Variants in EFL1 observed in about 807,000 individuals in gnomAD.
EFL1 encodes elongation factor-like GTPase 1.
EFL1 carries 76 observed loss-of-function variants against 126.7 expected under a neutral mutation model. That is an observed-to-expected ratio of 0.60 (90% CI 0.50 to 0.73). The LOEUF is 0.73. EFL1 is among the 30% of genes least tolerant of loss of function. The pLI, the probability that EFL1 is intolerant of heterozygous loss-of-function variation, is 0.00. For synonymous variants in EFL1, 410 were observed against 448.4 expected, an observed-to-expected ratio of 0.91 and a Z score of 1.08; for missense variants, 1,128 against 1,343.2, an observed-to-expected ratio of 0.84 and a Z score of 2.50.
At chr15:82,185,384 C>G (rs185153599) in intron 15 of EFL1, among the ~76,000 whole-genome samples, 1 of 151,776 alleles carries the variant, frequency 6.6e-6, no homozygotes, top group Non-Finnish European at 1.5e-5. Context: ...TGCATATCTT[C>G]ATAAATGAAA....
rs111262051 is a variant in EFL1 at position 82,186,493 on chromosome 15, T to C, written c.1751-22509A>G. ...TCTCACAAACTGAATCATTTCCAAA[T>C]ACCAGGTGTTCCAGTTTCACTGTGT... On this transcript the variant is annotated intron_variant, in intron 15 of 19. Transcript: ENST00000268206. Among the ~76,000 whole-genome samples, 4 of 152,354 alleles carry C rather than the reference T, an allele frequency of 2.6e-5. 1 individual carries two copies. Among genetic ancestry groups the C allele is most frequent in the African/African-American group, 9.6e-5 (4 of 41,592 alleles).
intron 15 of EFL1, among the ~76,000 whole-genome samples, chr15:82,203,335 C>G (rs951875427): frequency 1.6e-4 from 25 of 152,038 alleles, no homozygotes; most frequent in South Asian, 2.1e-4. Context: ...GCATATATAT[C>G]TGTTCTTAAA....
intron 15 of EFL1, among the ~76,000 whole-genome samples, chr15:82,191,977 C>T (rs1164393011): frequency 2.6e-5 from 4 of 152,048 alleles, no homozygotes; most frequent in Non-Finnish European, 5.9e-5. Flanking sequence ...TTTATAATAT[C>T]TGCTATTATA....
intron 15 of EFL1, among the ~76,000 whole-genome samples, chr15:82,170,027 G>A (rs911140964): frequency 6.6e-6 from 1 of 151,528 alleles, no homozygotes; most frequent in African/African-American, 2.4e-5. Flanking sequence ...TGGAGAAAAT[G>A]GCATTCAGGA....
intron 15 of EFL1, among the ~76,000 whole-genome samples, chr15:82,184,707 TC>T (rs1458349605): frequency 3.9e-5 from 6 of 152,132 alleles, no homozygotes; most frequent in South Asian, 2.1e-4. Context: ...TTGGGAATTT[TC>T]CCCCCACATT....
intron 14 of EFL1, among the ~76,000 whole-genome samples, chr15:82,215,971 T>C (rs1376674866): frequency 6.6e-6 from 1 of 152,136 alleles, no homozygotes. Flanking sequence ...ATCTACACAA[T>C]ATGACTGTCC....
At chr15:82,244,600 T>C (rs1032172067) in intron 4 of EFL1, among the ~76,000 whole-genome samples, 1 of 152,148 alleles carries the variant, frequency 6.6e-6, no homozygotes, top group Non-Finnish European at 1.5e-5. Context: ...AATCCAATCT[T>C]TTTATGTTCC....
Position 82,230,894 on chromosome 15 carries a change from T to G in EFL1, c.809A>C (p.Asp270Ala). ...TTTAGCCTTCATATTTATATAGTAA[T>G]CTCCCCACAAGGTTTTCATAAGAAC... ...KEVLMKTLWG[D>A]YYINMKAKKI... The change falls in exon 8 of 20, where the codon GAT (aspartate) becomes GCT (alanine). Residue 270 changes from aspartate to alanine, a missense_variant. By Grantham distance (126) the Asp-to-Ala change is moderately radical. This residue lies in a region of EFL1 where 316 missense variants were observed against 318.5 expected (regional missense o/e 0.99). Coordinates refer to ENST00000268206, the MANE Select transcript of EFL1 (RefSeq NM_024580.6). 6.2e-7 allele frequency: 1 copy of G among 1,613,384 alleles called. No homozygotes were observed. The highest frequency in any genetic ancestry group is 8.5e-7 in the Non-Finnish European group (1 of 1,179,570).
At chr15:82,196,704 T>C (rs1039961983) in intron 15 of EFL1, among the ~76,000 whole-genome samples, 1 of 152,250 alleles carries the variant, frequency 6.6e-6, no homozygotes, top group African/African-American at 2.4e-5. Context: ...AAACGTTGGT[T>C]AAATCTAATT....
intron 15 of EFL1, among the ~76,000 whole-genome samples, chr15:82,179,804 G>A (rs1023490991): frequency 8.1e-6 from 1 of 123,526 alleles, no homozygotes; most frequent in African/African-American, 3.0e-5. Context: ...CTATATGGCT[G>A]GGTATGCACA....
intron 14 of EFL1, among the ~76,000 whole-genome samples, chr15:82,217,832 A>G (rs1322865021): frequency 6.6e-6 from 1 of 152,158 alleles, no homozygotes; most frequent in Non-Finnish European, 1.5e-5. Flanking sequence ...ATTCTATACC[A>G]TCATACAGGA....
intron 6 of EFL1, 152 bp from the exon 7 acceptor site, chr15:82,238,673 G>A: frequency 1.5e-6 from 1 of 649,220 alleles, no homozygotes; most frequent in Non-Finnish European, 2.7e-6. Flanking sequence ...CATAATCAGT[G>A]AATAACTTAG....
intron 15 of EFL1, among the ~76,000 whole-genome samples, chr15:82,211,549 T>TAC (rs35812924): frequency 0.019 from 1,760 of 94,348 alleles, 41 homozygotes; most frequent in Middle Eastern, 0.051. Context: ...AAAATCTATA[T>TAC]ACACACACAC....
intron 12 of EFL1, among the ~76,000 whole-genome samples, chr15:82,224,637 T>C (rs2074743099): frequency 6.6e-6 from 1 of 152,032 alleles, no homozygotes; most frequent in African/African-American, 2.4e-5. Context: ...ATGATCAGAA[T>C]CTAAACTAGT....
intron 7 of EFL1, among the ~76,000 whole-genome samples, chr15:82,235,645 C>T (rs1283383155): frequency 6.6e-6 from 1 of 152,046 alleles, no homozygotes; most frequent in Non-Finnish European, 1.5e-5. Flanking sequence ...CAAAACTTGA[C>T]ACATTCATAA....
intron 14 of EFL1, among the ~76,000 whole-genome samples, chr15:82,217,373 GA>G: frequency 0.15 from 4,144 of 27,194 alleles, 192 homozygotes; most frequent in African/African-American, 0.33. Flanking sequence ...GATTAGATTT[GA>G]AAAAAAAAAA....
chr15:82,229,054 C>T lies in EFL1; in HGVS notation c.912G>A (p.Leu304=). The T allele has an allele frequency of 1.9e-6, 3 of 1,612,192 alleles. No homozygotes were observed. The highest frequency in any genetic ancestry group is 2.5e-6 in the Non-Finnish European group (3 of 1,179,394). The change falls in exon 9 of 20, where the codon TTG becomes TTA. Residue 304 remains leucine (L), a synonymous_variant. Transcript: ENST00000268206. The part of the protein sequence containing the change: ...VQLILENIWS[L]YDAVLKKDKD... Reference sequence around the variant, plus strand: ...CTTACTTTTTCAAAACAGCATCATACAAACTCCATATATTTTCCAGGATCA... The same window carrying T: ...CTTACTTTTTCAAAACAGCATCATATAAACTCCATATATTTTCCAGGATCA...
chr15:82,223,945 C>G (rs1447906601), intron 12 of EFL1, among the ~76,000 whole-genome samples: 1 of 152,158 alleles, frequency 6.6e-6, no homozygotes, highest in Non-Finnish European at 1.5e-5. Context: ...ATTGAATACA[C>G]TTAATGTCCA....
At chr15:82,202,020 A>C (rs1376761496) in intron 15 of EFL1, among the ~76,000 whole-genome samples, 1 of 151,872 alleles carries the variant, frequency 6.6e-6, no homozygotes, top group Admixed American at 6.6e-5. Context: ...CAGGAGTTTT[A>C]AGGATTCACT....
Sources: allele counts gnomAD v4.1 joint callset (sites outside exome capture counted in the v4.1 genomes callset), GRCh38; gene constraint gnomAD v4.1.1; regional missense constraint gnomAD v4.1.1; transcripts MANE v1.5; gene names NCBI Gene and HGNC (gene_info 2026-07-23, HGNC 2026-07-21).